Variants in DOCK9 observed in about 807,000 individuals in gnomAD.
The protein encoded by DOCK9 is dedicator of cytokinesis 9.
In DOCK9, 89 loss-of-function variants were observed where a neutral mutation model predicts 263.3. That is an observed-to-expected ratio of 0.34 (90% CI 0.28 to 0.40). The LOEUF (loss-of-function observed/expected upper bound fraction) is 0.40, where lower values mean the gene tolerates loss of function less well. DOCK9 is among the 10% of genes least tolerant of loss of function. The pLI, the probability that DOCK9 is intolerant of heterozygous loss-of-function variation, is 1.00. For synonymous variants in DOCK9, 976 were observed against 973.1 expected, an observed-to-expected ratio of 1.00 and a Z score of -0.06; for missense variants, 2,140 against 2,603.4, an observed-to-expected ratio of 0.82 and a Z score of 3.87.
intron 2 of DOCK9, among the ~76,000 whole-genome samples, chr13:98,947,077 C>T (rs2056815911): frequency 6.6e-6 from 1 of 152,168 alleles, no homozygotes; most frequent in Non-Finnish European, 1.5e-5. Context: ...TTCTGCGTTT[C>T]CAGCCACTTC....
At chr13:98,856,112 G>A in intron 33 of DOCK9, 81 bp from the exon 34 acceptor site, 1 of 1,438,470 alleles carries the variant, frequency 7.0e-7, no homozygotes, top group Middle Eastern at 1.8e-4. Context: ...AAGGGAAATT[G>A]CTTTTATTGC....
chr13:98,829,870 G>A lies in DOCK9; in HGVS notation c.4636-114C>T, dbSNP rs529568460. ...GACCCAGCAAAGTGGGGGTTGGGGG[G>A]TGCTTTGAGCAGGGGTCGCTCCGTG... On this transcript the variant is annotated intron_variant, in intron 41 of 52. Coordinates refer to ENST00000682017, the MANE Select transcript of DOCK9 (RefSeq NM_001366683.2). This position sits in a 1 kb window ranked among gnomAD's most constrained non-coding sequence, Gnocchi z 4.1. 5.9e-6 allele frequency: 5 copies of A among 840,550 alleles called. No individual in the cohort carries two copies. Among genetic ancestry groups the A allele is most frequent in the South Asian group, 1.5e-5 (1 of 66,100 alleles). The allele number at this position is 840,550 out of a possible 1,614,324, so 52.1% of individuals were successfully genotyped here.
chr13:98,922,648 A>G (rs1466982919), intron 5 of DOCK9, among the ~76,000 whole-genome samples: 1 of 152,246 alleles, frequency 6.6e-6, no homozygotes, highest in Non-Finnish European at 1.5e-5. Context: ...GAATAAAAAT[A>G]ATTTGCTACA....
chr13:98,981,985 TA>T (rs769111385), upstream of DOCK9, among the ~76,000 whole-genome samples: 56 of 152,194 alleles, frequency 3.7e-4, no homozygotes, highest in Admixed American at 7.2e-4. Context: ...TACCATCTAC[TA>T]ACCTTGAGTT....
rs1319074923 is a variant in DOCK9, at chr13:98,831,718, A to G, written c.4383T>C (p.Phe1461=). The G allele has an allele frequency of 1.2e-6, 2 of 1,613,936 alleles. No individual in the cohort carries two copies. The highest frequency in any genetic ancestry group is 2.7e-5 in the African/African-American group (2 of 74,938). The part of the protein sequence containing the change: ...MKKVFDVYLC[F]LQKHQSETAL... ...CCGTTTCAGACTGATGTTTTTGAAGAAAACACAGGTAGACATCAAAAACTT... is the reference window on the plus strand; with the variant it reads ...CCGTTTCAGACTGATGTTTTTGAAGGAAACACAGGTAGACATCAAAAACTT... Residue 1461 remains phenylalanine (F), a synonymous_variant, in exon 40 of 53, where the codon TTT becomes TTC. Transcript: ENST00000682017.
chr13:99,021,248 T>C (rs1212493539), intron 1 of DOCK9, among the ~76,000 whole-genome samples: 1 of 152,226 alleles, frequency 6.6e-6, no homozygotes, highest in African/African-American at 2.4e-5. Flanking sequence ...AGGGTAATTC[T>C]TCTAAAAATA....
In DOCK9 at chr13:98,923,345, G is replaced by A. The variant is rs767475720; in HGVS notation, c.443C>T (p.Pro148Leu). ...PNKVVKLDKL[P>L]VHVYEVDEEV... ...CTCGTCAACTTCATAGACATGAACTGGAAGTTTATCCAACTTGACCACTTT... is the reference window on the plus strand; with the variant it reads ...CTCGTCAACTTCATAGACATGAACTAGAAGTTTATCCAACTTGACCACTTT... The change falls in exon 5 of 53, where the codon CCA becomes CTA. Residue 148 changes from proline (P) to leucine (L), a missense_variant. Physicochemically the swap from Pro to Leu is moderately conservative, Grantham distance 98 (BLOSUM62 -3). Coordinates refer to ENST00000682017, the MANE Select transcript of DOCK9 (RefSeq NM_001366683.2). 6.2e-7 allele frequency: 1 copy of A among 1,613,820 alleles called. No homozygotes were observed. The highest frequency in any genetic ancestry group is 1.1e-5 in the South Asian group (1 of 91,068).
At chr13:98,817,101 A>T (rs2091917997) in intron 45 of DOCK9, among the ~76,000 whole-genome samples, 1 of 152,326 alleles carries the variant, frequency 6.6e-6, no homozygotes, top group African/African-American at 2.4e-5. Flanking sequence ...TCCAAGCAAG[A>T]TATCTGTATA....
rs763688635 is a variant in DOCK9, at chr13:98,971,453, G to A, written c.126+6331C>T. Among the ~76,000 whole-genome samples the A allele has an allele frequency of 9.9e-5, 15 of 150,766 alleles. 3 individuals are homozygous for A. The highest frequency in any genetic ancestry group is 3.3e-4 in the Admixed American group (5 of 15,166). On this transcript the variant is annotated intron_variant, in intron 1 of 52. Transcript: ENST00000682017. ...CCGGGCGCGGTGGCTCACGCCTGTA[G>A]TCCCAGCACTTTGGGAGGCCAAGGT...
intron 1 of DOCK9, among the ~76,000 whole-genome samples, chr13:99,085,736 C>G (rs1263370521): frequency 6.6e-6 from 1 of 151,696 alleles, no homozygotes; most frequent in East Asian, 1.9e-4. Flanking sequence ...TCAGCCAACT[C>G]AAAGGGTTAG....
chr13:98,888,883 A>G (rs2046203943), intron 15 of DOCK9, among the ~76,000 whole-genome samples, 172 bp from the exon 16 acceptor site: 2 of 152,248 alleles, frequency 1.3e-5, no homozygotes, highest in African/African-American at 4.8e-5. Context: ...TTTTAATAAT[A>G]TACTTCACTC....
intron 1 of DOCK9, among the ~76,000 whole-genome samples, chr13:98,985,540 G>A (rs1285732311): frequency 6.6e-6 from 1 of 152,190 alleles, no homozygotes; most frequent in African/African-American, 2.4e-5. Context: ...GATCCTCTCA[G>A]TTTGGAAATG....
intron 1 of DOCK9, among the ~76,000 whole-genome samples, chr13:99,004,790 C>G (rs1376475447): frequency 1.4e-5 from 1 of 73,290 alleles, no homozygotes. Flanking sequence ...TATAGACACA[C>G]ACACACACAC....
upstream of DOCK9, chr13:98,978,068 G>C (rs371867359): frequency 1.6e-4 from 233 of 1,422,806 alleles, no homozygotes; most frequent in African/African-American, 2.9e-3. Context: ...AGAGCCTGTG[G>C]GGTGGGAAGG....
chr13:98,862,154 A>G (rs575713069), intron 32 of DOCK9, among the ~76,000 whole-genome samples: 22 of 152,334 alleles, frequency 1.4e-4, no homozygotes, highest in South Asian at 4.2e-4. Context: ...TTAACAAGAA[A>G]TGAAGGTGTA....
chr13:98,897,714 G>A, intron 14 of DOCK9, 104 bp from the exon 15 acceptor site: 1 of 1,443,952 alleles, frequency 6.9e-7, no homozygotes, highest in Non-Finnish European at 9.4e-7. Flanking sequence ...TATTCCATTG[G>A]CTATAGCCAA....
chr13:99,058,902 C>A (rs1162707974), intron 1 of DOCK9, among the ~76,000 whole-genome samples: 1 of 152,156 alleles, frequency 6.6e-6, no homozygotes, highest in Non-Finnish European at 1.5e-5. Flanking sequence ...TGCATGTACA[C>A]CCCACTTCAC....
chr13:98,868,892 A>C (rs1170278374), intron 27 of DOCK9, among the ~76,000 whole-genome samples: 2 of 152,244 alleles, frequency 1.3e-5, no homozygotes, highest in Non-Finnish European at 2.9e-5. Context: ...CTGGAACCTC[A>C]AACTTCAGCG....
rs571682896 is a variant in DOCK9 at position 98,971,020 on chromosome 13, T to G, written c.126+6764A>C. On this transcript the variant is annotated intron_variant, in intron 1 of 52. Transcript: ENST00000682017. ...ATAAACAAAGCTTAAAACCTGAAAC[T>G]AAAACTCCACAATCCTAAACCTGAC... 1.4e-4 allele frequency among the ~76,000 whole-genome samples: 22 copies of G among 152,228 alleles called. 1 individual carries two copies. In the East Asian group the frequency reaches 4.3e-3, roughly 29 times the overall value.
Sources: gnomAD v4.1 joint callset for allele counts (sites outside exome capture counted in the v4.1 genomes callset) on GRCh38, gnomAD v4.1.1 for gene constraint, Gnocchi (gnomAD v3.1) non-coding constraint, MANE v1.5 for transcripts, NCBI Gene and HGNC (gene_info 2026-07-23, HGNC 2026-07-21) for gene names.